The following GABBR2 variants were observed in gnomAD, a reference collection of about 807,000 sequenced individuals.
GABBR2 encodes G-protein coupled receptor 51.
In GABBR2, 23 loss-of-function variants were observed where a neutral mutation model predicts 105.6. The ratio of observed to expected loss-of-function variants is 0.22; its 90% CI spans 0.16 to 0.31. The LOEUF is 0.31. Among genes scored for constraint, GABBR2 ranks in the 10% least tolerant of loss-of-function variants. The pLI, the probability that GABBR2 is intolerant of heterozygous loss-of-function variation, is 1.00. For synonymous variants in GABBR2, 478 were observed against 499.7 expected (o/e 0.96, Z 0.58); for missense variants, 734 against 1,245.5 (o/e 0.59, Z 6.18).
At chr9:98,418,433 G>A (rs994500050) in intron 7 of GABBR2, among the ~76,000 whole-genome samples, 1 of 152,106 alleles carries the variant, frequency 6.6e-6, no homozygotes, top group Non-Finnish European at 1.5e-5. Context: ...TACTCAGGGG[G>A]CTGAGGTGAG....
At chr9:98,663,871 A>T (rs1759551903) in intron 1 of GABBR2, among the ~76,000 whole-genome samples, 1 of 152,190 alleles carries the variant, frequency 6.6e-6, no homozygotes, top group Admixed American at 6.5e-5. Context: ...CTGGGGAAAG[A>T]GAAATACCCA....
intron 3 of GABBR2, among the ~76,000 whole-genome samples, chr9:98,510,338 A>G (rs1340345692): frequency 6.6e-6 from 1 of 152,186 alleles, no homozygotes; most frequent in Admixed American, 6.5e-5. Flanking sequence ...AAAGACCATC[A>G]AGGCTAGGAA....
At chr9:98,345,903 A>G (rs937959703) in intron 13 of GABBR2, among the ~76,000 whole-genome samples, 2 of 152,250 alleles carry the variant, frequency 1.3e-5, no homozygotes, top group East Asian at 3.8e-4. Flanking sequence ...CCCAGTGTAC[A>G]TAAAAGTTAT....
chr9:98,551,934 G>A (rs533159976), intron 2 of GABBR2: 2 of 152,180 alleles, frequency 1.3e-5, no homozygotes, highest in African/African-American at 4.8e-5. Context: ...TATGCTTCGC[G>A]AACATTGAAG....
At chr9:98,508,601 G>A (rs989218294) in intron 3 of GABBR2, among the ~76,000 whole-genome samples, 7 of 152,166 alleles carry the variant, frequency 4.6e-5, no homozygotes, top group East Asian at 1.9e-4. Flanking sequence ...AAAAAATGGC[G>A]CACCAGGAGA....
rs149388746 is a variant in GABBR2, at chr9:98,433,144, C to G, written c.1236+20837G>C. Among the ~76,000 whole-genome samples, 25 of 152,288 alleles carry G rather than the reference C, an allele frequency of 1.6e-4. No homozygotes were observed. The East Asian group carries it at 3.7e-3, about 22-fold the overall frequency. ...TGGAATTACTAGATTGGAGGATGAACAGGGAATTTTGTGTACGCTGTGTAA... is the reference window on the plus strand; with the variant it reads ...TGGAATTACTAGATTGGAGGATGAAGAGGGAATTTTGTGTACGCTGTGTAA... On this transcript the variant is annotated intron_variant, in intron 7 of 18. Coordinates refer to ENST00000259455, the MANE Select transcript of GABBR2 (RefSeq NM_005458.8).
chr9:98,642,573 C>T (rs537604506), intron 1 of GABBR2, among the ~76,000 whole-genome samples: 195 of 152,250 alleles, frequency 1.3e-3, no homozygotes, highest in Non-Finnish European at 1.2e-3. Context: ...TCCCACCACT[C>T]TGTTTCCTAC....
intron 1 of GABBR2, among the ~76,000 whole-genome samples, chr9:98,703,465 C>T (rs1304285552): frequency 6.6e-6 from 1 of 152,136 alleles, no homozygotes; most frequent in East Asian, 1.9e-4. Context: ...CCTGAAAGAG[C>T]TCACGTTCTT....
intron 12 of GABBR2, among the ~76,000 whole-genome samples, chr9:98,370,545 C>T (rs1021293042): frequency 4.6e-5 from 7 of 152,136 alleles, no homozygotes; most frequent in Non-Finnish European, 7.4e-5. Context: ...AAGACAGAAG[C>T]GGCCAGCCTA....
chr9:98,384,330 C>T (rs949192296), intron 11 of GABBR2, among the ~76,000 whole-genome samples: 10 of 152,064 alleles, frequency 6.6e-5, no homozygotes, highest in Non-Finnish European at 8.8e-5. Context: ...ATACATAACC[C>T]CCTTTAAAAA....
chr9:98,299,191 C>A (rs769448917), intron 17 of GABBR2, 33 bp downstream of exon 17: 3 of 1,601,120 alleles, frequency 1.9e-6, no homozygotes, highest in Non-Finnish European at 1.7e-6. Flanking sequence ...AAACCAAGGT[C>A]CCTACCACAT....
At chr9:98,472,577 A>G (rs563108457) in intron 6 of GABBR2, among the ~76,000 whole-genome samples, 2 of 152,356 alleles carry the variant, frequency 1.3e-5, no homozygotes, top group East Asian at 3.9e-4. Context: ...ATATATCTAT[A>G]GAAGGGACAT....
In GABBR2 at chr9:98,708,399, G is replaced by A; in HGVS notation, c.321+18C>T. ...ATGCCCCCCGAAGCCCCGACGGCAG[G>A]GGCAGCCGGACACTCACCTCCGTGT... is the stretch of plus-strand genomic sequence containing the variant. On this transcript the variant is annotated intron_variant, in intron 1 of 18. Transcript: ENST00000259455. 2 of 1,379,250 alleles carry A rather than the reference G, an allele frequency of 1.5e-6. No individual in the cohort carries two copies. The highest frequency in any genetic ancestry group is 1.9e-6 in the Non-Finnish European group (2 of 1,051,336). 85.4% of individuals were successfully genotyped at this position (1,379,250 alleles called of 1,614,324 possible).
intron 7 of GABBR2, among the ~76,000 whole-genome samples, chr9:98,433,644 A>C: frequency 6.6e-6 from 1 of 152,236 alleles, no homozygotes; most frequent in East Asian, 1.9e-4. Flanking sequence ...ACTGAGGTCC[A>C]TGTGGGACAG....
chr9:98,627,755 C>T (rs1829760600), intron 1 of GABBR2, among the ~76,000 whole-genome samples: 1 of 152,236 alleles, frequency 6.6e-6, no homozygotes, highest in African/African-American at 2.4e-5. Flanking sequence ...GCCTGAAGCT[C>T]AGTCAATGAC....
chr9:98,650,927 G>A (rs1830094332), intron 1 of GABBR2, among the ~76,000 whole-genome samples: 2 of 152,302 alleles, frequency 1.3e-5, no homozygotes, highest in Middle Eastern at 3.4e-3. Flanking sequence ...AGAGAGGAAT[G>A]GGGAGTTGTT....
chr9:98,651,683 C>G (rs374083856), intron 1 of GABBR2, among the ~76,000 whole-genome samples: 2 of 152,316 alleles, frequency 1.3e-5, no homozygotes, highest in South Asian at 2.1e-4. Context: ...CCTCCCACCT[C>G]AGCCTCCCAA....
At chr9:98,389,990 G>C (rs1289836413) in intron 9 of GABBR2, among the ~76,000 whole-genome samples, 1 of 152,128 alleles carries the variant, frequency 6.6e-6, no homozygotes, top group Non-Finnish European at 1.5e-5. Context: ...AGACAAGCAG[G>C]AAAGGGGCAG....
At chr9:98,691,282 G>A (rs952577982) in intron 1 of GABBR2, among the ~76,000 whole-genome samples, 4 of 152,134 alleles carry the variant, frequency 2.6e-5, no homozygotes, top group Admixed American at 1.3e-4. Context: ...CTAGCCTCAC[G>A]GACAAACCCT....
Sources: gnomAD v4.1 joint callset for allele counts (sites outside exome capture counted in the v4.1 genomes callset) on GRCh38, gnomAD v4.1.1 for gene constraint, MANE v1.5 for transcripts, NCBI Gene and HGNC (gene_info 2026-07-23, HGNC 2026-07-21) for gene names.